Variants in USP47 observed in about 807,000 individuals in gnomAD.
USP47 encodes ubiquitin specific peptidase 47.
USP47 carries 35 observed loss-of-function variants against 165.1 expected under a neutral mutation model. The ratio of observed to expected loss-of-function variants is 0.21; its 90% CI spans 0.16 to 0.28. The LOEUF (loss-of-function observed/expected upper bound fraction) is 0.28. Among genes scored for constraint, USP47 ranks in the 10% least tolerant of loss-of-function variants. The probability of loss-of-function intolerance (pLI) is 1.00; values close to 1 mark genes in which losing one functional copy is unlikely to be tolerated. For synonymous variants in USP47, 531 were observed against 544.5 expected, an observed-to-expected ratio of 0.98 and a Z score of 0.35; for missense variants, 1,277 against 1,607.4, an observed-to-expected ratio of 0.79 and a Z score of 3.52.
At position 11,909,250 on chromosome 11, in the gene USP47, T is replaced by G. The variant is rs1471574561; in HGVS notation, c.969+3702T>G. Reference sequence around the variant, plus strand: ...TTTTATTAATCCTGAAAAATTAATATCAGCTGAAGAATTACTTGTAGTAAT... The same window carrying G: ...TTTTATTAATCCTGAAAAATTAATAGCAGCTGAAGAATTACTTGTAGTAAT... On this transcript the variant is annotated intron_variant, in intron 8 of 27. Transcript: ENST00000527733. Among the ~76,000 whole-genome samples, 12 of 152,290 alleles carry G rather than the reference T, an allele frequency of 7.9e-5. No homozygotes were observed. In the East Asian group the frequency reaches 2.3e-3, roughly 29 times the overall value.
Position 11,905,533 on chromosome 11 carries a change from A to T in USP47, c.954A>T (p.Gln318His). Residue 318 changes from glutamine (Q) to histidine (H), a missense_variant, in exon 8 of 28, where the codon CAA becomes CAT. Gln to His is a conservative substitution (Grantham distance 24, BLOSUM62 0). Transcript: ENST00000527733. The part of the protein sequence containing the change: ...PLVIRPYGSS[Q>H]AFASVEEALH... ...TCATCCGACCTTATGGGTCCAGCCA[A>T]GCATTTGCTAGTGTGGTGTGTACCT... The T allele has an allele frequency of 1.9e-6, 3 of 1,606,506 alleles. No individual in the cohort carries two copies. The highest frequency in any genetic ancestry group is 2.6e-6 in the Non-Finnish European group (3 of 1,174,832).
chr11:11,883,103 C>A (rs1327137108), intron 2 of USP47, among the ~76,000 whole-genome samples: 1 of 152,200 alleles, frequency 6.6e-6, no homozygotes, highest in South Asian at 2.1e-4. Context: ...TGAGGTAAAA[C>A]CCCTGTGTAT....
intron 5 of USP47, among the ~76,000 whole-genome samples, chr11:11,899,218 C>T (rs748348784): frequency 2.6e-5 from 4 of 152,144 alleles, no homozygotes; most frequent in Admixed American, 1.3e-4. Context: ...TAGCACAGAC[C>T]AGATCGTTGG....
intron 19 of USP47, among the ~76,000 whole-genome samples, chr11:11,940,896 C>G (rs1489190033): frequency 1.3e-5 from 2 of 151,710 alleles, no homozygotes; most frequent in Non-Finnish European, 2.9e-5. Flanking sequence ...ATTATGTCCC[C>G]TGGATTGTGT....
intron 8 of USP47, among the ~76,000 whole-genome samples, chr11:11,913,737 G>T (rs1003672243): frequency 6.6e-6 from 1 of 151,976 alleles, no homozygotes; most frequent in Non-Finnish European, 1.5e-5. Flanking sequence ...ACAATATATT[G>T]TGTATTTCAA....
intron 1 of USP47, among the ~76,000 whole-genome samples, chr11:11,857,400 T>C (rs1244256007): frequency 6.6e-6 from 1 of 152,208 alleles, no homozygotes; most frequent in African/African-American, 2.4e-5. Context: ...TATTAAAATA[T>C]ATCTGAGAAA....
Position 11,949,994 on chromosome 11 carries a change from A to C in USP47, c.3454A>C (p.Ser1152Arg). 6.2e-7 allele frequency: 1 copy of C among 1,607,640 alleles called. No homozygotes were observed. The highest frequency in any genetic ancestry group is 8.5e-7 in the Non-Finnish European group (1 of 1,176,038). Residue 1152 changes from serine to arginine, a missense_variant, in exon 23 of 28, where the codon AGT becomes CGT. By Grantham distance (110) the Ser-to-Arg change is moderately radical. Transcript: ENST00000527733. ...CAGGGAGCAATGTGGTTTAGAGCTC[A>C]GTATTGACAGGTAAAGTAAAATTAA... ...QLREQCGLELSIDRFRLRKKT... is the reference protein window; with the variant it reads ...QLREQCGLELRIDRFRLRKKT...
intron 8 of USP47, among the ~76,000 whole-genome samples, chr11:11,919,868 A>G (rs963220630): frequency 1.3e-5 from 2 of 151,866 alleles, no homozygotes; most frequent in East Asian, 3.8e-4. Flanking sequence ...TTTAGAGATT[A>G]TTTAGCCAAA....
chr11:11,920,463 A>C lies in USP47; in HGVS notation c.1187A>C (p.Asp396Ala), dbSNP rs372596116. The change falls in exon 10 of 28, where the codon GAT (aspartate) becomes GCT (alanine). Residue 396 changes from aspartate (D) to alanine (A), a missense_variant. Asp to Ala is a moderately radical substitution (Grantham distance 126, BLOSUM62 -2). Transcript: ENST00000527733. Reference sequence around the variant, plus strand: ...CGAATGACATTTCCCGAGGAACTAGATATGAGTACTTTTATTGATGTTGAA... The same window carrying C: ...CGAATGACATTTCCCGAGGAACTAGCTATGAGTACTTTTATTGATGTTGAA... ...NDRMTFPEEL[D>A]MSTFIDVEDE... 1.2e-6 allele frequency: 2 copies of C among 1,609,358 alleles called. No homozygotes were observed. The highest frequency in any genetic ancestry group is 1.7e-6 in the Non-Finnish European group (2 of 1,177,792).
chr11:11,955,880 A>T (rs768338686), intron 27 of USP47, 121 bp from the exon 28 acceptor site: 4 of 790,184 alleles, frequency 5.1e-6, no homozygotes, highest in Non-Finnish European at 7.8e-6. Flanking sequence ...ATATAAAATA[A>T]TATTACTTCA....
At chr11:11,899,444 A>G (rs895410096) in intron 5 of USP47, among the ~76,000 whole-genome samples, 3 of 152,202 alleles carry the variant, frequency 2.0e-5, no homozygotes, top group African/African-American at 4.8e-5. Context: ...TGAGTAAGAG[A>G]AAGTACCTCA....
chr11:11,855,106 A>G (rs1014087239), intron 1 of USP47, among the ~76,000 whole-genome samples: 5 of 152,088 alleles, frequency 3.3e-5, no homozygotes, highest in African/African-American at 1.2e-4. Flanking sequence ...GGAAAAAAAA[A>G]AAAAGAAAAG....
At chr11:11,884,055 A>G (rs1851000345) in intron 2 of USP47, among the ~76,000 whole-genome samples, 1 of 152,188 alleles carries the variant, frequency 6.6e-6, no homozygotes, top group Non-Finnish European at 1.5e-5. Context: ...TCATATTTAT[A>G]TATCAAAACA....
At chr11:11,930,673 A>C (rs1163108869) in intron 13 of USP47, 23 bp from the exon 14 acceptor site, 1 of 1,563,704 alleles carries the variant, frequency 6.4e-7, no homozygotes. Context: ...TGTCCTTATT[A>C]ATCTTTTTTA....
intron 18 of USP47, among the ~76,000 whole-genome samples, chr11:11,939,474 A>G (rs1308444847): frequency 1.3e-5 from 2 of 152,084 alleles, no homozygotes; most frequent in East Asian, 3.8e-4. Flanking sequence ...GTTCTAAAAA[A>G]AAGTCTATAT....
intron 11 of USP47, among the ~76,000 whole-genome samples, chr11:11,924,351 T>G (rs1854083586): frequency 6.6e-6 from 1 of 152,186 alleles, no homozygotes; most frequent in Non-Finnish European, 1.5e-5. Flanking sequence ...TTTTTATACT[T>G]TGTTGATTTG....
intron 1 of USP47, among the ~76,000 whole-genome samples, chr11:11,866,446 T>C (rs903542414): frequency 5.3e-5 from 8 of 152,172 alleles, no homozygotes; most frequent in African/African-American, 1.7e-4. Flanking sequence ...GTGAGCTAAT[T>C]GTTTAGGCAT....
At chr11:11,892,211 C>G (rs770499015) in intron 4 of USP47, 105 bp downstream of exon 4, 7 of 1,295,180 alleles carry the variant, frequency 5.4e-6, no homozygotes, top group Non-Finnish European at 6.3e-6. Flanking sequence ...AAACTGAGAC[C>G]TAGAGCAGGA....
chr11:11,935,316 A>G (rs910651981), intron 16 of USP47, among the ~76,000 whole-genome samples: 1 of 152,000 alleles, frequency 6.6e-6, no homozygotes, highest in Non-Finnish European at 1.5e-5. Context: ...TAGAATAGTC[A>G]AAATTGGTTG....
Sources: gnomAD v4.1 joint callset for allele counts (sites outside exome capture counted in the v4.1 genomes callset) on GRCh38, gnomAD v4.1.1 for gene constraint, MANE v1.5 for transcripts, NCBI Gene and HGNC (gene_info 2026-07-23, HGNC 2026-07-21) for gene names.